Variants in ARNT2 observed in about 807,000 individuals in gnomAD.
ARNT2 encodes the protein aryl hydrocarbon receptor nuclear translocator 2, also known as ARNT protein 2.
Under a neutral mutation model 91.7 loss-of-function variants are expected in ARNT2, and 36 were observed. The ratio of observed to expected loss-of-function variants is 0.39; its 90% confidence interval spans 0.30 to 0.52. The LOEUF (loss-of-function observed/expected upper bound fraction) is 0.52. Ranked by LOEUF, ARNT2 falls within the 20% of genes least tolerant of loss-of-function variation. ARNT2 has a pLI of 0.72. For missense variants in ARNT2, 775 were observed against 939.3 expected, an observed-to-expected ratio of 0.83 and a Z score of 2.29; for synonymous variants, 365 against 347.1, an observed-to-expected ratio of 1.05 and a Z score of -0.57.
chr15:80,444,467 G>A (rs1896255677), intron 1 of ARNT2: 1 of 151,276 alleles, frequency 6.6e-6, no homozygotes, highest in African/African-American at 2.5e-5. Flanking sequence ...TGGTTTGAGT[G>A]GTTTGTGTGG....
intron 8 of ARNT2, among the ~76,000 whole-genome samples, chr15:80,534,056 A>G (rs1230812788): frequency 6.6e-6 from 1 of 152,254 alleles, no homozygotes; most frequent in Non-Finnish European, 1.5e-5. Flanking sequence ...GCAAAGGAAG[A>G]TGCTTTTTCA....
At chr15:80,443,006 C>G in intron 1 of ARNT2, 6 of 985,418 alleles carry the variant, frequency 6.1e-6, no homozygotes, top group Non-Finnish European at 7.2e-6. Flanking sequence ...GACCTTCATT[C>G]ATTCCCAGGA....
rs531473726 is a variant in ARNT2 at position 80,441,156 on chromosome 15, T to G, written c.32-9724T>G. 6.3e-6 allele frequency: 6 copies of G among 948,142 alleles called. No homozygotes were observed. The African/African-American group carries it at 1.1e-4, about 17-fold the overall frequency. The allele number at this position is 948,142 out of a possible 1,614,324, so 58.7% of individuals were successfully genotyped here. ...AACCTAAGCAGTTAATGCTAGAAAT[T>G]TTGCTGCAAATAAATTGATCAGTAT... On this transcript the variant is annotated intron_variant, in intron 1 of 18. Transcript: ENST00000303329.
At position 80,412,382 on chromosome 15, in the gene ARNT2, A is replaced by G. The variant is rs574522833; in HGVS notation, c.31+7836A>G. Among the ~76,000 whole-genome samples the G allele has an allele frequency of 2.0e-5, 3 of 152,352 alleles. No individual in the cohort carries two copies. The East Asian group carries it at 5.8e-4, about 29-fold the overall frequency. ...ACCACAACCACTTTTCCCCCACAAT[A>G]AAGATCTGTGTTGATTGTAAAAAAT... On this transcript the variant is annotated intron_variant, in intron 1 of 18. Transcript: ENST00000303329.
intron 5 of ARNT2, among the ~76,000 whole-genome samples, chr15:80,495,731 C>T (rs924297375): frequency 6.6e-6 from 1 of 152,186 alleles, no homozygotes; most frequent in Non-Finnish European, 1.5e-5. Context: ...TGGGCCCCAG[C>T]CCACCTCTCC....
intron 1 of ARNT2, among the ~76,000 whole-genome samples, chr15:80,445,912 G>A (rs1205396677): frequency 4.6e-5 from 7 of 152,036 alleles, no homozygotes; most frequent in Admixed American, 4.6e-4. Flanking sequence ...GATCTCTCTT[G>A]CACTCCTGTG....
intron 11 of ARNT2, among the ~76,000 whole-genome samples, chr15:80,560,942 G>C (rs529790364): frequency 3.3e-5 from 5 of 152,156 alleles, no homozygotes; most frequent in Admixed American, 1.3e-4. Context: ...TCTGACATCC[G>C]CAGGCTCAGA....
chr15:80,470,343 G>A lies in ARNT2; in HGVS notation c.320G>A (p.Arg107His), dbSNP rs371290912. ...ARKPDKLTIL[R>H]MAVSHMKSMR... ...AAGCCAGACAAGCTCACCATCCTCCGCATGGCCGTCTCGCACATGAAGTCC... is the reference window on the plus strand; with the variant it reads ...AAGCCAGACAAGCTCACCATCCTCCACATGGCCGTCTCGCACATGAAGTCC... Residue 107 changes from arginine (R) to histidine (H), a missense_variant, in exon 4 of 19, where the codon CGC (arginine) becomes CAC (histidine). By Grantham distance (29) the Arg-to-His change is conservative. Transcript: ENST00000303329. The A allele has an allele frequency of 3.1e-6, 5 of 1,614,112 alleles. No individual in the cohort carries two copies. The highest frequency in any genetic ancestry group is 3.4e-6 in the Non-Finnish European group (4 of 1,180,018).
At chr15:80,571,516 G>T (rs917462671) in intron 12 of ARNT2, among the ~76,000 whole-genome samples, 11 of 152,182 alleles carry the variant, frequency 7.2e-5, no homozygotes, top group Admixed American at 5.2e-4. Flanking sequence ...GAGGAAGATT[G>T]AAGTTAACCA....
chr15:80,418,398 G>A (rs541234614), intron 1 of ARNT2, among the ~76,000 whole-genome samples: 11 of 152,272 alleles, frequency 7.2e-5, no homozygotes, highest in Non-Finnish European at 1.5e-4. Context: ...TCCTGGATCC[G>A]GCTGCTTCCT....
chr15:80,404,403 T>G lies in ARNT2; in HGVS notation c.-113T>G. Reference sequence around the variant, plus strand: ...GAGCGCCGCCCGCCCGCGCCGTCCTTTGTGTGGCGGCGGCGGCGCCTGGGC... The same window carrying G: ...GAGCGCCGCCCGCCCGCGCCGTCCTGTGTGTGGCGGCGGCGGCGCCTGGGC... On this transcript the variant is annotated 5_prime_UTR_variant, in exon 1 of 19. Coordinates refer to ENST00000303329, the MANE Select transcript of ARNT2 (RefSeq NM_014862.4). This position sits in a 1 kb window ranked among gnomAD's most constrained non-coding sequence, Gnocchi z 5.5. 10 of 582,456 alleles carry G rather than the reference T, an allele frequency of 1.7e-5. No homozygotes were observed. The highest frequency in any genetic ancestry group is 2.0e-5 in the Non-Finnish European group (9 of 454,576). 36.1% of individuals were successfully genotyped at this position (582,456 alleles called of 1,614,324 possible). A position where few individuals can be genotyped will look rare whatever the true frequency, so the allele number is the denominator to read the frequency against.
chr15:80,593,468 C>T (rs995679676), intron 18 of ARNT2, 132 bp from the exon 19 acceptor site: 16 of 662,592 alleles, frequency 2.4e-5, no homozygotes, highest in Non-Finnish European at 4.1e-5. Flanking sequence ...CCGCAGAAGG[C>T]TGGGGAGGAC....
At chr15:80,430,120 A>G (rs1895987982) in intron 1 of ARNT2, among the ~76,000 whole-genome samples, 1 of 152,102 alleles carries the variant, frequency 6.6e-6, no homozygotes, top group South Asian at 2.1e-4. Flanking sequence ...CCCGAGAATG[A>G]GCACCCGCTT....
At chr15:80,546,157 A>G (rs1897987045) in intron 8 of ARNT2, among the ~76,000 whole-genome samples, 1 of 152,112 alleles carries the variant, frequency 6.6e-6, no homozygotes, top group South Asian at 2.1e-4. Context: ...AATCTATTTT[A>G]TATCCAAAGG....
Position 80,591,553 on chromosome 15 carries a change from T to C in ARNT2, c.1919-15T>C. The C allele has an allele frequency of 6.2e-7, 1 of 1,614,122 alleles. No individual in the cohort carries two copies. Among genetic ancestry groups the C allele is most frequent in the Non-Finnish European group, 8.5e-7 (1 of 1,180,004 alleles). The stretch of plus-strand genomic sequence containing the variant: ...TGGCTTTTAAAGGAAGTGTCCTGTG[T>C]GTCGAATCTTTCAGCTGAAAGTGGA... On this transcript the variant is annotated splice_polypyrimidine_tract_variant and intron_variant, in intron 17 of 18. Transcript: ENST00000303329. The surrounding 1 kb of genome is among the most constrained non-coding windows in gnomAD (Gnocchi z 5.1).
At chr15:80,542,093 T>A (rs1897916673) in intron 8 of ARNT2, among the ~76,000 whole-genome samples, 1 of 152,218 alleles carries the variant, frequency 6.6e-6, no homozygotes, top group African/African-American at 2.4e-5. Context: ...CATAAAGCAT[T>A]CATTCCGTTA....
chr15:80,411,449 G>A (rs925249440), intron 1 of ARNT2, among the ~76,000 whole-genome samples: 11 of 152,188 alleles, frequency 7.2e-5, no homozygotes, highest in African/African-American at 2.7e-4. Flanking sequence ...AGGAAAGAAA[G>A]CATATATCCT....
intron 8 of ARNT2, among the ~76,000 whole-genome samples, chr15:80,520,547 T>C (rs1047380168): frequency 2.3e-5 from 3 of 128,900 alleles, no homozygotes; most frequent in African/African-American, 8.8e-5. Context: ...TCTCATGTTG[T>C]GTTCTTACCA....
intron 5 of ARNT2, among the ~76,000 whole-genome samples, chr15:80,494,058 T>TAA (rs1897091970): frequency 6.6e-6 from 1 of 152,230 alleles, no homozygotes; most frequent in African/African-American, 2.4e-5. Context: ...ATGCTTCTTA[T>TAA]ACAGCTTGCA....
Sources: gnomAD v4.1 joint callset for allele counts (sites outside exome capture counted in the v4.1 genomes callset) on GRCh38, gnomAD v4.1.1 for gene constraint, Gnocchi (gnomAD v3.1) non-coding constraint, MANE v1.5 for transcripts, NCBI Gene and HGNC (gene_info 2026-07-23, HGNC 2026-07-21) for gene names.